Variants in BBS9 observed in about 807,000 individuals in gnomAD.
The protein encoded by BBS9 is Bardet-Biedl syndrome 9.
Under a neutral mutation model 117.7 loss-of-function variants are expected in BBS9, and 89 were observed. That is an observed-to-expected ratio of 0.76 (90% confidence interval 0.64 to 0.90). The LOEUF (loss-of-function observed/expected upper bound fraction) is 0.90, where lower values mean the gene tolerates loss of function less well. Ranked by LOEUF, BBS9 falls within the 40% of genes least tolerant of loss-of-function variation. The probability of loss-of-function intolerance (pLI) is 0.00; values close to 1 mark genes in which losing one functional copy is unlikely to be tolerated. For synonymous variants in BBS9, 379 were observed against 370.9 expected, an observed-to-expected ratio of 1.02 and a Z score of -0.25; for missense variants, 982 against 1,042.2, an observed-to-expected ratio of 0.94 and a Z score of 0.80.
chr7:33,580,954 G>A (rs987239754), intron 21 of BBS9, among the ~76,000 whole-genome samples: 1 of 152,094 alleles, frequency 6.6e-6, no homozygotes, highest in Non-Finnish European at 1.5e-5. Context: ...AAAAGTAAAG[G>A]TTGTTTTGAA....
At chr7:33,462,810 G>A (rs1010030602) in intron 19 of BBS9, among the ~76,000 whole-genome samples, 1 of 152,028 alleles carries the variant, frequency 6.6e-6, no homozygotes, top group African/African-American at 2.4e-5. Flanking sequence ...TGTTGGATGG[G>A]CAGCTCTTTT....
chr7:33,421,720 G>A (rs1189419201), intron 19 of BBS9, among the ~76,000 whole-genome samples: 1 of 152,138 alleles, frequency 6.6e-6, no homozygotes, highest in African/African-American at 2.4e-5. Context: ...AATGTTCTAT[G>A]TGCACTCCTG....
intron 19 of BBS9, among the ~76,000 whole-genome samples, chr7:33,489,829 T>C (rs900364652): frequency 6.6e-6 from 1 of 152,190 alleles, no homozygotes; most frequent in Non-Finnish European, 1.5e-5. Context: ...AAGATGGTAT[T>C]CTATCCCCAG....
chr7:33,572,662 GTGGTTT>G (rs1256394086), intron 21 of BBS9, among the ~76,000 whole-genome samples: 9 of 151,954 alleles, frequency 5.9e-5, no homozygotes, highest in African/African-American at 2.2e-4. Context: ...ATGTCTCATT[GTGGTTT>G]TGATTTGCAT....
chr7:33,546,274 T>C (rs574332813), intron 21 of BBS9, among the ~76,000 whole-genome samples: 1 of 152,282 alleles, frequency 6.6e-6, no homozygotes, highest in African/African-American at 2.4e-5. Flanking sequence ...ATTTCATTAT[T>C]AAATAGCATA....
chr7:33,233,525 A>G (rs1792885636), intron 5 of BBS9, among the ~76,000 whole-genome samples: 1 of 152,160 alleles, frequency 6.6e-6, no homozygotes, highest in African/African-American at 2.4e-5. Context: ...ATAAGGAGGA[A>G]GGACATTGTA....
chr7:33,562,888 C>T (rs1020631130), intron 21 of BBS9, among the ~76,000 whole-genome samples: 3 of 151,948 alleles, frequency 2.0e-5, no homozygotes, highest in South Asian at 2.1e-4. Flanking sequence ...TGTGCCACTG[C>T]ACTCCAGGCT....
chr7:33,360,402 A>T (rs1477172795), intron 16 of BBS9, among the ~76,000 whole-genome samples: 1 of 152,064 alleles, frequency 6.6e-6, no homozygotes, highest in African/African-American at 2.4e-5. Context: ...GCCAATAGAG[A>T]ATCTTATAAG....
intron 19 of BBS9, among the ~76,000 whole-genome samples, chr7:33,496,702 G>C (rs1844769697): frequency 6.6e-6 from 1 of 152,098 alleles, no homozygotes; most frequent in Non-Finnish European, 1.5e-5. Flanking sequence ...CAAAGTAAAA[G>C]CCTCAGATTT....
At chr7:33,195,451 A>G (rs1784788597) in intron 5 of BBS9, among the ~76,000 whole-genome samples, 1 of 152,250 alleles carries the variant, frequency 6.6e-6, no homozygotes, top group African/African-American at 2.4e-5. Flanking sequence ...AGTGAGGGTG[A>G]GTAACTTGGG....
At chr7:33,435,840 T>C (rs1835227799) in intron 19 of BBS9, among the ~76,000 whole-genome samples, 1 of 152,184 alleles carries the variant, frequency 6.6e-6, no homozygotes, top group South Asian at 2.1e-4. Flanking sequence ...GTGCTTCAGA[T>C]ATGTGAAAAC....
intron 14 of BBS9, among the ~76,000 whole-genome samples, chr7:33,351,631 A>C (rs1346594269): frequency 6.6e-6 from 1 of 152,134 alleles, no homozygotes; most frequent in East Asian, 1.9e-4. Context: ...AAAGGCTAGT[A>C]TTGATGCAGG....
intron 15 of BBS9, among the ~76,000 whole-genome samples, chr7:33,355,548 G>A (rs2128679654): frequency 6.6e-6 from 1 of 151,910 alleles, no homozygotes; most frequent in Admixed American, 6.6e-5. Context: ...TTAAGTATGA[G>A]TGTCATCATT....
chr7:33,542,437 T>C (rs1852478983), intron 21 of BBS9, among the ~76,000 whole-genome samples: 1 of 152,148 alleles, frequency 6.6e-6, no homozygotes. Flanking sequence ...CCATCACCCA[T>C]GTATACACTG....
intron 20 of BBS9, among the ~76,000 whole-genome samples, chr7:33,520,376 G>T (rs1027982175): frequency 8.5e-5 from 13 of 152,156 alleles, no homozygotes; most frequent in South Asian, 4.1e-4. Context: ...AAGTGAACCC[G>T]CACAGAAAAG....
intron 19 of BBS9, among the ~76,000 whole-genome samples, chr7:33,491,490 A>G (rs1284429638): frequency 1.3e-5 from 2 of 152,210 alleles, no homozygotes; most frequent in African/African-American, 4.8e-5. Flanking sequence ...TGCTAGTAAT[A>G]TTAAGCTAAT....
chr7:33,616,255 T>C (rs1253611956), intron 21 of BBS9, among the ~76,000 whole-genome samples: 3 of 150,926 alleles, frequency 2.0e-5, no homozygotes, highest in African/African-American at 7.3e-5. Context: ...AAATATATAT[T>C]GAATACATAT....
chr7:33,301,491 C>T (rs1213011670), intron 9 of BBS9, among the ~76,000 whole-genome samples: 1 of 152,106 alleles, frequency 6.6e-6, no homozygotes, highest in African/African-American at 2.4e-5. Flanking sequence ...TAATTTTTAG[C>T]TCCCACAAAT....
intron 16 of BBS9, among the ~76,000 whole-genome samples, chr7:33,360,450 C>CAT (rs1445688704): frequency 2.0e-5 from 3 of 151,394 alleles, no homozygotes; most frequent in Non-Finnish European, 4.4e-5. Context: ...ATATAGAAAA[C>CAT]ATTTATTTAC....
Sources: gnomAD v4.1 joint callset for allele counts (sites outside exome capture counted in the v4.1 genomes callset) on GRCh38, gnomAD v4.1.1 for gene constraint, MANE v1.5 for transcripts, NCBI Gene and HGNC (gene_info 2026-07-23, HGNC 2026-07-21) for gene names.